CALN1: variants seen among roughly 807,000 people sequenced by gnomAD.
CALN1 encodes calneuron 1, also known as calcium-binding protein 8.
Under a neutral mutation model 30.6 loss-of-function variants are expected in CALN1, and 17 were observed. The observed-to-expected ratio is 0.56, with a 90% CI of 0.38 to 0.83. CALN1 has a LOEUF of 0.83. CALN1 is among the 40% of genes least tolerant of loss of function. The probability of loss-of-function intolerance (pLI) is 0.00; values close to 1 mark genes in which losing one functional copy is unlikely to be tolerated. For synonymous variants in CALN1, 156 were observed against 131.4 expected (o/e 1.19, Z -1.28); for missense variants, 291 against 354.9 (o/e 0.82, Z 1.45).
chr7:72,338,525 G>GTCTGTCTGTCTTTC (rs1554378748), intron 2 of CALN1, among the ~76,000 whole-genome samples: 45 of 122,378 alleles, frequency 3.7e-4, no homozygotes, highest in African/African-American at 1.2e-3. Context: ...GTGTGTGTGT[G>GTCTGTCTGTCTTTC]TGTCTCACCT....
chr7:72,278,010 G>GC lies in CALN1; in HGVS notation c.244+675_244+676insG, dbSNP rs1554348531. 2.1e-3 allele frequency among the ~76,000 whole-genome samples: 191 copies of GC among 90,486 alleles called. 18 individuals are homozygous for GC. The highest frequency in any genetic ancestry group is 0.01 in the African/African-American group (172 of 17,074). The allele number at this position is 90,486 out of a possible 152,430, so 59.4% of individuals were successfully genotyped here. A position where few individuals can be genotyped will look rare whatever the true frequency, so the allele number is the denominator to read the frequency against. On this transcript the variant is annotated intron_variant, in intron 3 of 6. Coordinates refer to ENST00000395275, the MANE Select transcript of CALN1 (RefSeq NM_031468.4). The stretch of plus-strand genomic sequence containing the variant: ...CAAATCAACCTAATCCTCTATTCCG[G>GC]GGGGGGGGGACTTGTTTTTCCTATT...
chr7:71,801,472 C>CTATCTATCT (rs1554340287), intron 6 of CALN1, among the ~76,000 whole-genome samples: 2 of 151,282 alleles, frequency 1.3e-5, no homozygotes, highest in Admixed American at 6.6e-5. Context: ...ATCTATCTAT[C>CTATCTATCT]GAGACAGGGT....
chr7:72,065,191 G>A (rs1265532635), intron 4 of CALN1, among the ~76,000 whole-genome samples: 3 of 150,276 alleles, frequency 2.0e-5, no homozygotes, highest in Non-Finnish European at 4.4e-5. Context: ...TTATCACCTA[G>A]ACATTTGAAA....
intron 3 of CALN1, among the ~76,000 whole-genome samples, chr7:72,262,097 C>T (rs1317309014): frequency 2.0e-5 from 3 of 152,230 alleles, no homozygotes; most frequent in Admixed American, 1.3e-4. Flanking sequence ...GCCAGTGTCA[C>T]CCTCCATAGG....
chr7:71,978,583 C>G (rs1289231983), intron 5 of CALN1, among the ~76,000 whole-genome samples: 1 of 152,166 alleles, frequency 6.6e-6, no homozygotes, highest in East Asian at 1.9e-4. Flanking sequence ...GGCCGAAGAA[C>G]AGTAGCAGCC....
intron 2 of CALN1, among the ~76,000 whole-genome samples, chr7:72,375,830 A>G (rs1804525042): frequency 6.6e-6 from 1 of 152,148 alleles, no homozygotes; most frequent in South Asian, 2.1e-4. Flanking sequence ...GTTTGTTAGT[A>G]TATTTACCAT....
At chr7:71,849,564 T>C (rs954684903) in intron 5 of CALN1, among the ~76,000 whole-genome samples, 2 of 152,110 alleles carry the variant, frequency 1.3e-5, no homozygotes, top group African/African-American at 4.8e-5. Context: ...TTTAAATCTA[T>C]CTAATTGGCA....
At chr7:72,463,082 CTG>C in the CALN1 span, among the ~76,000 whole-genome samples, 2 of 152,178 alleles carry the variant, frequency 1.3e-5, no homozygotes, top group African/African-American at 2.4e-5. Context: ...GGTGTGGACA[CTG>C]AGGCTCACAG....
At chr7:72,302,893 C>CAAAAAAAA (rs71069055) in intron 2 of CALN1, among the ~76,000 whole-genome samples, 5 of 48,752 alleles carry the variant, frequency 1.0e-4, no homozygotes, top group Admixed American at 3.6e-4. Flanking sequence ...GTGAGGGTCT[C>CAAAAAAAA]AAAAAAAAAA....
chr7:72,138,409 G>C (rs948395051), intron 3 of CALN1, among the ~76,000 whole-genome samples: 1 of 152,118 alleles, frequency 6.6e-6, no homozygotes, highest in Non-Finnish European at 1.5e-5. Context: ...CTCCATGCTG[G>C]GGAGCATTTT....
intron 2 of CALN1, among the ~76,000 whole-genome samples, chr7:72,303,775 C>T (rs1039019015): frequency 5.9e-5 from 9 of 151,734 alleles, no homozygotes; most frequent in African/African-American, 2.2e-4. Flanking sequence ...TTTGGGAGGC[C>T]GAGGCAGGAG....
intron 4 of CALN1, chr7:72,104,140 G>T: frequency 6.5e-6 from 1 of 153,716 alleles, no homozygotes; most frequent in South Asian, 1.8e-4. Context: ...GAGACACCCT[G>T]GCCCACAGGG....
At chr7:72,288,555 C>T (rs949965347) in intron 2 of CALN1, among the ~76,000 whole-genome samples, 7 of 152,126 alleles carry the variant, frequency 4.6e-5, no homozygotes, top group African/African-American at 1.7e-4. Flanking sequence ...TTAAAAACAC[C>T]TTAATGATTG....
chr7:71,806,765 T>A (rs1416054969), intron 6 of CALN1, among the ~76,000 whole-genome samples: 1 of 152,118 alleles, frequency 6.6e-6, no homozygotes, highest in Admixed American at 6.6e-5. Flanking sequence ...AGTTTCCACA[T>A]CCTGATGGTT....
the CALN1 span, among the ~76,000 whole-genome samples, chr7:72,478,791 A>G: frequency 2.0e-5 from 3 of 152,038 alleles, no homozygotes; most frequent in Non-Finnish European, 4.4e-5. Flanking sequence ...ATAATAAATT[A>G]TAGGGCGTAT....
intron 2 of CALN1, among the ~76,000 whole-genome samples, chr7:72,389,378 TAA>T (rs1164975859): frequency 6.6e-6 from 1 of 152,226 alleles, no homozygotes; most frequent in Admixed American, 6.5e-5. Flanking sequence ...AATTAAGCCT[TAA>T]AAGTGTCCGA....
At chr7:72,031,463 C>T (rs1311432307) in intron 4 of CALN1, among the ~76,000 whole-genome samples, 1 of 152,206 alleles carries the variant, frequency 6.6e-6, no homozygotes, top group Non-Finnish European at 1.5e-5. Context: ...TCCCCTTCCA[C>T]ATCTTATCAA....
intron 3 of CALN1, among the ~76,000 whole-genome samples, chr7:72,111,870 C>A (rs907764158): frequency 3.3e-5 from 5 of 152,078 alleles, no homozygotes; most frequent in Non-Finnish European, 7.3e-5. Flanking sequence ...CCTGCCTCAG[C>A]CTCATGAATA....
intron 5 of CALN1, among the ~76,000 whole-genome samples, chr7:71,875,175 A>G (rs1270649211): frequency 4.0e-5 from 6 of 151,148 alleles, no homozygotes; most frequent in Non-Finnish European, 8.9e-5. Context: ...AAAAAAAAAA[A>G]AAAAAAAAAA....
Sources: gnomAD v4.1 joint callset for allele counts (sites outside exome capture counted in the v4.1 genomes callset) on GRCh38, gnomAD v4.1.1 for gene constraint, MANE v1.5 for transcripts, NCBI Gene and HGNC (gene_info 2026-07-23, HGNC 2026-07-21) for gene names.